RNF14: variants seen among roughly 807,000 people sequenced by gnomAD.
The protein encoded by RNF14 is ring finger protein 14, also known as E3 ubiquitin-protein ligase RNF14.
In RNF14, 26 loss-of-function variants were observed where a neutral mutation model predicts 52.6. The observed-to-expected ratio is 0.49, with a 90% CI of 0.36 to 0.69. RNF14 has a LOEUF of 0.69. Ranked by LOEUF, RNF14 falls within the 30% of genes least tolerant of loss-of-function variation. The probability of loss-of-function intolerance (pLI) is 0.00; values close to 1 mark genes in which losing one functional copy is unlikely to be tolerated. For missense variants in RNF14, 404 were observed against 560.4 expected (o/e 0.72, Z 2.82); for synonymous variants, 194 against 202.0 (o/e 0.96, Z 0.34).
intron 4 of RNF14, among the ~76,000 whole-genome samples, 169 bp from the exon 5 acceptor site, chr5:141,978,134 G>A (rs770420636): frequency 1.1e-5 from 1 of 93,214 alleles, no homozygotes; most frequent in Non-Finnish European, 2.1e-5. Context: ...AAGTGCTCCA[G>A]TAAGAATGTT....
At position 141,973,592 on chromosome 5, in the gene RNF14, T is replaced by A. The variant is rs1753992014; in HGVS notation, c.4T>A (p.Ser2Thr). Reference protein sequence around the residue: MSSEDREAQEDE... With the variant: MTSEDREAQEDE... ...ATTTTAATGTTTTCAGGTCCTTATG[T>A]CGTCAGAAGATCGAGAAGCTCAGGA... Residue 2 changes from serine (S) to threonine (T), a missense_variant, in exon 3 of 9, where the codon TCG becomes ACG. By Grantham distance (58) the Ser-to-Thr change is moderately conservative. Transcript: ENST00000394520. 1 of 1,607,896 alleles carries A rather than the reference T, an allele frequency of 6.2e-7. No homozygotes were observed. Among genetic ancestry groups the A allele is most frequent in the Middle Eastern group, 1.7e-4 (1 of 6,020 alleles).
chr5:141,980,218 C>T lies in RNF14; in HGVS notation c.930C>T (p.Pro310=). 6.2e-7 allele frequency: 1 copy of T among 1,614,106 alleles called. No individual in the cohort carries two copies. Among genetic ancestry groups the T allele is most frequent in the Non-Finnish European group, 8.5e-7 (1 of 1,180,046 alleles). Residue 310 remains proline, a synonymous_variant, in exon 6 of 9, where the codon CCC becomes CCT. Coordinates refer to ENST00000394520, the MANE Select transcript of RNF14 (RefSeq NM_004290.5). ...TGATGGCAGATGTGGTGTACTGCCC[C>T]CGGCCGTGCTGCCAGCTGCCTGTGA... ...LDLMADVVYC[P]RPCCQLPVMQ...
rs1217977068 is a variant in RNF14 at position 141,978,517 on chromosome 5, G to T, written c.521G>T (p.Gly174Val). 6.2e-7 allele frequency: 1 copy of T among 1,614,176 alleles called. No homozygotes were observed. The highest frequency in any genetic ancestry group is 1.7e-5 in the Admixed American group (1 of 60,022). The stretch of plus-strand genomic sequence containing the variant: ...GAGCTAGATTTTGGAGGAGCTGCTG[G>T]ATCTGATGTAGACCAAGAGGAAATT... ...NTELDFGGAA[G>V]SDVDQEEIVD... Residue 174 changes from glycine (G) to valine (V), a missense_variant, in exon 5 of 9, where the codon GGA becomes GTA. Coordinates refer to ENST00000394520, the MANE Select transcript of RNF14 (RefSeq NM_004290.5).
chr5:141,973,773 CTAT>C, intron 3 of RNF14, 31 bp downstream of exon 3: 1 of 1,545,288 alleles, frequency 6.5e-7, no homozygotes, highest in Non-Finnish European at 8.8e-7. Context: ...ACAGATTTTT[CTAT>C]TATTCTTTAT....
Position 141,983,672 on chromosome 5 carries a change from T to C in RNF14, c.1236+120T>C, listed in dbSNP as rs1014747351. 4 of 818,002 alleles carry C rather than the reference T, an allele frequency of 4.9e-6. No individual in the cohort carries two copies. The African/African-American group carries it at 5.2e-5, about 11-fold the overall frequency. 50.7% of individuals were successfully genotyped at this position (818,002 alleles called of 1,614,324 possible). A position where few individuals can be genotyped will look rare whatever the true frequency, so the allele number is the denominator to read the frequency against. On this transcript the variant is annotated intron_variant, in intron 7 of 8. Coordinates refer to ENST00000394520, the MANE Select transcript of RNF14 (RefSeq NM_004290.5). The stretch of plus-strand genomic sequence containing the variant: ...AACACATGCTGGTATTATTACACCT[T>C]CTTACGTGGAAGGTGGAAATTTCAC...
At chr5:141,956,604 G>T (rs777676849), upstream of RNF14, 11 of 1,614,120 alleles carry the variant, frequency 6.8e-6, no homozygotes, top group Non-Finnish European at 9.3e-6. Context: ...TGTCCAGTGT[G>T]GCATTGGTTA....
At chr5:141,950,876 T>G in the RNF14 span, among the ~76,000 whole-genome samples, 1 of 152,168 alleles carries the variant, frequency 6.6e-6, no homozygotes, top group East Asian at 1.9e-4. Context: ...TACAATTGAT[T>G]ATGAAATCCT....
chr5:141,968,971 G>A (rs895820790), upstream of RNF14: 1 of 152,252 alleles, frequency 6.6e-6, no homozygotes, highest in Non-Finnish European at 1.5e-5. Context: ...GGGTGACGGT[G>A]GTCGCGCCGG....
At chr5:141,968,554 C>T (rs1753444221), upstream of RNF14, among the ~76,000 whole-genome samples, 2 of 152,186 alleles carry the variant, frequency 1.3e-5, no homozygotes, top group African/African-American at 4.8e-5. Context: ...GTTCTTGCAC[C>T]TAAGTCTCAA....
intron 4 of RNF14, among the ~76,000 whole-genome samples, chr5:141,976,769 T>G (rs1451603825): frequency 6.7e-6 from 1 of 149,640 alleles, no homozygotes; most frequent in Non-Finnish European, 1.5e-5. Flanking sequence ...CAGCTGCCTT[T>G]CTCTCTCTTT....
upstream of RNF14, chr5:141,956,745 C>T: frequency 6.2e-7 from 1 of 1,614,202 alleles, no homozygotes; most frequent in Non-Finnish European, 8.5e-7. Context: ...TAAAACTGTC[C>T]TTGGGAAGAG....
upstream of RNF14, among the ~76,000 whole-genome samples, chr5:141,967,149 C>CT (rs2126946667): frequency 6.6e-6 from 1 of 152,230 alleles, no homozygotes; most frequent in South Asian, 2.1e-4. Context: ...CAGGTAATCC[C>CT]TTGGGTGCCC....
chr5:141,973,649 G>C lies in RNF14; in HGVS notation c.61G>C (p.Asp21His). ...DELLALASIY[D>H]GDEFRKAESV... ...ATTGCTGGCCCTGGCAAGTATTTAC[G>C]ATGGAGATGAATTTAGAAAAGCAGA... is the stretch of plus-strand genomic sequence containing the variant. Residue 21 changes from aspartate (D) to histidine (H), a missense_variant, in exon 3 of 9, where the codon GAT becomes CAT. Asp to His is a moderately conservative substitution (Grantham distance 81). Coordinates refer to ENST00000394520, the MANE Select transcript of RNF14 (RefSeq NM_004290.5). 1 of 1,613,938 alleles carries C rather than the reference G, an allele frequency of 6.2e-7. No homozygotes were observed. The highest frequency in any genetic ancestry group is 8.5e-7 in the Non-Finnish European group (1 of 1,179,862).
chr5:141,981,477 CT>C (rs951515389), intron 6 of RNF14: 4 of 152,064 alleles, frequency 2.6e-5, no homozygotes, highest in African/African-American at 9.7e-5. Context: ...CTGGTTATAT[CT>C]TATAAAAGTG....
chr5:141,949,554 C>T, the RNF14 span: 13 of 1,614,150 alleles, frequency 8.1e-6, no homozygotes, highest in African/African-American at 1.3e-5. Flanking sequence ...AGCCCTTGCA[C>T]TTGGGCCATC....
At chr5:141,977,095 C>A (rs1163088468) in intron 4 of RNF14, among the ~76,000 whole-genome samples, 1 of 152,208 alleles carries the variant, frequency 6.6e-6, no homozygotes, top group African/African-American at 2.4e-5. Flanking sequence ...CCAGCCCCAG[C>A]TGCCTCTCTT....
chr5:141,982,307 G>C lies in RNF14; in HGVS notation c.1064-1073G>C, dbSNP rs552740073. ...CACAAAAATGCATTGAATTATTAGA[G>C]GGATGAGATTTACATTGCTTCACTG... On this transcript the variant is annotated intron_variant, in intron 6 of 8. Transcript: ENST00000394520. Among the ~76,000 whole-genome samples, 20 of 152,238 alleles carry C rather than the reference G, an allele frequency of 1.3e-4. No individual in the cohort carries two copies. The South Asian group carries it at 3.7e-3, about 28-fold the overall frequency.
At chr5:141,972,114 A>G (rs1753833632) in intron 2 of RNF14, among the ~76,000 whole-genome samples, 3 of 152,130 alleles carry the variant, frequency 2.0e-5, no homozygotes, top group Non-Finnish European at 4.4e-5. Flanking sequence ...CTGCTTGCTC[A>G]GTTATCTAAT....
At chr5:141,957,084 ATCT>A (rs770332420), upstream of RNF14, 1 of 1,614,184 alleles carries the variant, frequency 6.2e-7, no homozygotes, top group Non-Finnish European at 8.5e-7. This position sits in a 1 kb window ranked among gnomAD's most constrained non-coding sequence, Gnocchi z 4.3. Flanking sequence ...CAGGTGCAGC[ATCT>A]TCTTGGATTT....
Sources: allele counts gnomAD v4.1 joint callset (sites outside exome capture counted in the v4.1 genomes callset), GRCh38; gene constraint gnomAD v4.1.1; non-coding constraint Gnocchi (gnomAD v3.1); transcripts MANE v1.5; gene names NCBI Gene and HGNC (gene_info 2026-07-23, HGNC 2026-07-21).